Variants in PLEKHG7 observed in about 807,000 individuals in gnomAD.
The protein encoded by PLEKHG7 is pleckstrin homology and RhoGEF domain containing G7.
PLEKHG7 carries 77 observed loss-of-function variants against 85.2 expected under a neutral mutation model. The ratio of observed to expected loss-of-function variants is 0.90; its 90% CI spans 0.75 to 1.09. The LOEUF (loss-of-function observed/expected upper bound fraction) is 1.09. Ranked by LOEUF, PLEKHG7 falls within the 50% of genes least tolerant of loss-of-function variation. The pLI is 0.00. For synonymous variants in PLEKHG7, 301 were observed against 302.4 expected, an observed-to-expected ratio of 1.00 and a Z score of 0.05; for missense variants, 777 against 804.3, an observed-to-expected ratio of 0.97 and a Z score of 0.41.
chr12:92,708,028 G>A (rs1477156478), intron 3 of PLEKHG7: 1 of 299,478 alleles, frequency 3.3e-6, no homozygotes. Context: ...AGAAAAATTT[G>A]GAGGATAAAA....
intron 3 of PLEKHG7, chr12:92,708,227 G>T (rs1871295951): frequency 6.6e-6 from 1 of 152,418 alleles, no homozygotes; most frequent in Admixed American, 6.5e-5. Flanking sequence ...TTCTGCAGCA[G>T]CAAGGGAAAG....
At chr12:92,753,638 C>T (rs1451873183) in intron 10 of PLEKHG7, among the ~76,000 whole-genome samples, 1 of 152,184 alleles carries the variant, frequency 6.6e-6, no homozygotes, top group Non-Finnish European at 1.5e-5. Flanking sequence ...CATTTCTCTT[C>T]ATTTTCGATC....
chr12:92,721,701 C>CAAAAAAAA, intron 3 of PLEKHG7, among the ~76,000 whole-genome samples: 1 of 9,436 alleles, frequency 1.1e-4, no homozygotes, highest in African/African-American at 4.7e-4. Context: ...AAGCATAAAA[C>CAAAAAAAA]CAAAAAAAAA....
intron 9 of PLEKHG7, among the ~76,000 whole-genome samples, chr12:92,744,365 T>C (rs1445226052): frequency 6.6e-6 from 1 of 152,160 alleles, no homozygotes; most frequent in African/African-American, 2.4e-5. Flanking sequence ...GAAGAATTGC[T>C]GAAGAGAAAA....
At chr12:92,724,555 T>C (rs191533257) in intron 3 of PLEKHG7, among the ~76,000 whole-genome samples, 135 of 152,284 alleles carry the variant, frequency 8.9e-4, no homozygotes, top group African/African-American at 2.8e-3. Context: ...CTAGAATGAC[T>C]TTAGCAAGGA....
At chr12:92,756,785 G>C (rs1341008119) in intron 13 of PLEKHG7, among the ~76,000 whole-genome samples, 1 of 152,166 alleles carries the variant, frequency 6.6e-6, no homozygotes, top group Non-Finnish European at 1.5e-5. Flanking sequence ...ATATTATATA[G>C]GACAAGTTGT....
intron 9 of PLEKHG7, among the ~76,000 whole-genome samples, chr12:92,745,146 G>A (rs1592682849): frequency 6.6e-6 from 1 of 152,332 alleles, no homozygotes; most frequent in South Asian, 2.1e-4. Context: ...GGGTGTCCTG[G>A]AGGGTGTGGC....
chr12:92,737,362 T>C lies in PLEKHG7; in HGVS notation c.796-16T>C. ...AGGTGGAAATGTTTTGTTCTCTCTT[T>C]TTCCCTCATGTACAGGATAAGACCT... On this transcript the variant is annotated splice_polypyrimidine_tract_variant and intron_variant, in intron 6 of 16. Transcript: ENST00000344636. 1 of 1,409,412 alleles carries C rather than the reference T, an allele frequency of 7.1e-7. No individual in the cohort carries two copies. Among genetic ancestry groups the C allele is most frequent in the Non-Finnish European group, 9.3e-7 (1 of 1,080,798 alleles). The allele number at this position is 1,409,412 out of a possible 1,614,324, so 87.3% of individuals were successfully genotyped here.
intron 13 of PLEKHG7, among the ~76,000 whole-genome samples, chr12:92,756,904 AAG>A (rs1342920933): frequency 6.6e-6 from 1 of 152,186 alleles, no homozygotes; most frequent in East Asian, 1.9e-4. Context: ...TTCAGAAAAG[AAG>A]AGAGTCCTTG....
chr12:92,756,172 T>G, intron 12 of PLEKHG7, 126 bp from the exon 13 acceptor site: 1 of 752,850 alleles, frequency 1.3e-6, no homozygotes, highest in Non-Finnish European at 2.2e-6. Context: ...CCCATTCCCA[T>G]GTCCATCTGC....
At chr12:92,714,443 T>C (rs144627773) in intron 3 of PLEKHG7, among the ~76,000 whole-genome samples, 8,160 of 152,246 alleles carry the variant, frequency 0.054, 736 homozygotes, top group African/African-American at 0.18. Flanking sequence ...GCCCTCACTT[T>C]AACAGTAGGC....
intron 5 of PLEKHG7, among the ~76,000 whole-genome samples, chr12:92,733,890 C>G (rs776799849): frequency 1.3e-5 from 2 of 152,128 alleles, no homozygotes; most frequent in Non-Finnish European, 2.9e-5. Context: ...ATCTAAGATG[C>G]CAAGATGTCC....
intron 10 of PLEKHG7, among the ~76,000 whole-genome samples, chr12:92,752,357 T>G (rs1362095328): frequency 6.6e-6 from 1 of 152,186 alleles, no homozygotes; most frequent in African/African-American, 2.4e-5. Flanking sequence ...GGGGATATGT[T>G]TGTTCCATGT....
At chr12:92,768,181 C>G (rs539167953) in intron 15 of PLEKHG7, among the ~76,000 whole-genome samples, 2 of 150,904 alleles carry the variant, frequency 1.3e-5, no homozygotes, top group Non-Finnish European at 2.9e-5. Context: ...CACTCCAGCC[C>G]GGGCGACAGT....
intron 10 of PLEKHG7, among the ~76,000 whole-genome samples, chr12:92,748,401 C>T (rs1361272496): frequency 1.3e-5 from 2 of 152,090 alleles, no homozygotes; most frequent in African/African-American, 2.4e-5. Flanking sequence ...TGCCTGCCAC[C>T]GTGCCTGGCA....
intron 3 of PLEKHG7, among the ~76,000 whole-genome samples, chr12:92,710,842 G>A (rs1196779186): frequency 6.6e-6 from 1 of 152,184 alleles, no homozygotes; most frequent in Non-Finnish European, 1.5e-5. Flanking sequence ...TGGGGAAAGA[G>A]GCTGAGTGGT....
At position 92,737,483 on chromosome 12, in the gene PLEKHG7, T is replaced by C; in HGVS notation, c.901T>C (p.Cys301Arg). 6.2e-7 allele frequency: 1 copy of C among 1,602,904 alleles called. No homozygotes were observed. Among genetic ancestry groups the C allele is most frequent in the South Asian group, 1.1e-5 (1 of 87,830 alleles). Reference sequence around the variant, plus strand: ...CGTGTGGGAACTTTTCACAAGTGAATGCACCTATTTTTTGGACCATTTATT... The same window carrying C: ...CGTGTGGGAACTTTTCACAAGTGAACGCACCTATTTTTTGGACCATTTATT... ...EAVWELFTSE[C>R]TYFLDHLLVL... The change falls in exon 7 of 17, where the codon TGC becomes CGC. Residue 301 changes from cysteine (C) to arginine (R), a missense_variant. Cys to Arg is a radical substitution (Grantham distance 180, BLOSUM62 -3). Around this residue, in one of 3 missense-constraint regions of PLEKHG7, gnomAD observed 520 missense variants for 544.0 expected, o/e 0.96. Transcript: ENST00000344636.
chr12:92,707,503 G>A, intron 2 of PLEKHG7, 147 bp from the exon 3 acceptor site: 1 of 1,466,036 alleles, frequency 6.8e-7, no homozygotes, highest in Non-Finnish European at 9.0e-7. Flanking sequence ...GGGAGAAAGA[G>A]CCAGTTATTC....
At chr12:92,752,954 T>C (rs898434334) in intron 10 of PLEKHG7, among the ~76,000 whole-genome samples, 2 of 152,126 alleles carry the variant, frequency 1.3e-5, no homozygotes, top group African/African-American at 4.8e-5. Flanking sequence ...GGGACCCCTT[T>C]TATAGGGACA....
Sources: gnomAD v4.1 joint callset for allele counts (sites outside exome capture counted in the v4.1 genomes callset) on GRCh38, gnomAD v4.1.1 for gene constraint, gnomAD v4.1.1 regional missense constraint, MANE v1.5 for transcripts, NCBI Gene and HGNC (gene_info 2026-07-23, HGNC 2026-07-21) for gene names.